Variants in SKIC3 observed in about 807,000 individuals in gnomAD.
SKIC3 encodes the protein SKI3 subunit of superkiller complex.
the SKIC3 span, among the ~76,000 whole-genome samples, chr5:95,518,336 G>A: frequency 6.6e-6 from 1 of 151,890 alleles, no homozygotes; most frequent in South Asian, 2.1e-4. Flanking sequence ...CCTCCTTCTA[G>A]CTATTTGAAA....
At chr5:95,550,029 A>G in the SKIC3 span, among the ~76,000 whole-genome samples, 1 of 151,900 alleles carries the variant, frequency 6.6e-6, no homozygotes, top group Non-Finnish European at 1.5e-5. Flanking sequence ...CTCCCTATTA[A>G]TTCTTTCCGC....
chr5:95,479,062 G>A, the SKIC3 span, among the ~76,000 whole-genome samples: 1 of 151,948 alleles, frequency 6.6e-6, no homozygotes, highest in Non-Finnish European at 1.5e-5. Context: ...TGTAAATATT[G>A]GGAAGAAAAA....
the SKIC3 span, chr5:95,525,683 A>G: frequency 6.2e-7 from 1 of 1,612,958 alleles, no homozygotes; most frequent in Admixed American, 1.7e-5. Context: ...TCTAGAAAAT[A>G]ATTGTAAAGA....
At chr5:95,553,471 C>G in the SKIC3 span, among the ~76,000 whole-genome samples, 2 of 152,098 alleles carry the variant, frequency 1.3e-5, no homozygotes. Context: ...TATTACCTTC[C>G]GTGCTGTATT....
At chr5:95,540,615 T>C in the SKIC3 span, 1 of 1,563,404 alleles carries the variant, frequency 6.4e-7, no homozygotes, top group Non-Finnish European at 8.8e-7. Flanking sequence ...CAATGATCAA[T>C]TATGTTTCCA....
At chr5:95,503,247 C>A in the SKIC3 span, among the ~76,000 whole-genome samples, 1,897 of 152,228 alleles carry the variant, frequency 0.012, 43 homozygotes, top group African/African-American at 0.044. Context: ...CGTTCGGAAT[C>A]TATATGGGGA....
the SKIC3 span, among the ~76,000 whole-genome samples, chr5:95,481,360 CTT>C: frequency 1.3e-5 from 2 of 152,114 alleles, no homozygotes; most frequent in Admixed American, 6.5e-5. Flanking sequence ...AGCTCTCTCT[CTT>C]GTCTGCCGCC....
At chr5:95,526,163 TA>T in the SKIC3 span, among the ~76,000 whole-genome samples, 1 of 152,174 alleles carries the variant, frequency 6.6e-6, no homozygotes, top group Non-Finnish European at 1.5e-5. Context: ...TTAACAATTT[TA>T]AAAATCAAAA....
chr5:95,522,418 T>G, the SKIC3 span: 1 of 1,349,864 alleles, frequency 7.4e-7, no homozygotes, highest in Non-Finnish European at 1.0e-6. Flanking sequence ...TGGCTCCTTC[T>G]ACTTATAAAA....
the SKIC3 span, chr5:95,482,520 G>T: frequency 1.2e-6 from 2 of 1,614,010 alleles, no homozygotes; most frequent in Non-Finnish European, 1.7e-6. Context: ...GTTTTTTGTA[G>T]TTCTTCAAGT....
At chr5:95,523,311 T>C in the SKIC3 span, 12 of 1,613,322 alleles carry the variant, frequency 7.4e-6, no homozygotes, top group East Asian at 4.5e-5. Flanking sequence ...GTTGTTAGGA[T>C]AGCTAAAGCC....
the SKIC3 span, among the ~76,000 whole-genome samples, chr5:95,501,192 GA>G: frequency 2.6e-5 from 4 of 151,556 alleles, no homozygotes; most frequent in African/African-American, 9.7e-5. Context: ...TTGCTCAAAG[GA>G]AAAAAAATCT....
At chr5:95,530,206 G>A in the SKIC3 span, 1 of 1,613,406 alleles carries the variant, frequency 6.2e-7, no homozygotes, top group Non-Finnish European at 8.5e-7. Context: ...CAACAATACT[G>A]CTGCCCCTCA....
chr5:95,467,401 C>T, the SKIC3 span, among the ~76,000 whole-genome samples: 1 of 152,142 alleles, frequency 6.6e-6, no homozygotes, highest in Non-Finnish European at 1.5e-5. Context: ...GTTGTTGGTA[C>T]TCAAAAAGTG....
At chr5:95,506,177 G>A in the SKIC3 span, among the ~76,000 whole-genome samples, 1 of 152,054 alleles carries the variant, frequency 6.6e-6, no homozygotes, top group African/African-American at 2.4e-5. Flanking sequence ...GAAAGGAGAG[G>A]CAGTCAGAAC....
chr5:95,531,302 A>G, the SKIC3 span, among the ~76,000 whole-genome samples: 1 of 152,232 alleles, frequency 6.6e-6, no homozygotes, highest in Non-Finnish European at 1.5e-5. Context: ...AATGAAAAGA[A>G]TTAATAATGG....
the SKIC3 span, among the ~76,000 whole-genome samples, chr5:95,477,196 T>C: frequency 6.6e-6 from 1 of 152,194 alleles, no homozygotes; most frequent in Non-Finnish European, 1.5e-5. Context: ...CTACAATTAG[T>C]TGGCCACATT....
chr5:95,520,940 T>C, the SKIC3 span: 5 of 715,714 alleles, frequency 7.0e-6, no homozygotes, highest in Admixed American at 9.9e-5. Flanking sequence ...CTTAACGGTG[T>C]GTTATAAAAT....
chr5:95,520,047 G>A, the SKIC3 span, among the ~76,000 whole-genome samples: 1 of 151,952 alleles, frequency 6.6e-6, no homozygotes, highest in South Asian at 2.1e-4. Context: ...AACCAAGCAG[G>A]AAAAGAGGGG....
Sources: allele counts gnomAD v4.1 joint callset (sites outside exome capture counted in the v4.1 genomes callset), GRCh38; gene constraint gnomAD v4.1.1; transcripts MANE v1.5; gene names NCBI Gene and HGNC (gene_info 2026-07-23, HGNC 2026-07-21).